The following RFTN1 variants were observed in gnomAD, a reference collection of about 807,000 sequenced individuals.
RFTN1 encodes raftlin, lipid raft linker 1.
RFTN1 carries 26 observed loss-of-function variants against 46.5 expected under a neutral mutation model. The ratio of observed to expected loss-of-function variants is 0.56; its 90% CI spans 0.41 to 0.78. The LOEUF is 0.78. Among genes scored for constraint, RFTN1 ranks in the 30% least tolerant of loss-of-function variants. The pLI, the probability that RFTN1 is intolerant of heterozygous loss-of-function variation, is 0.00. For synonymous variants in RFTN1, 261 were observed against 284.2 expected, an observed-to-expected ratio of 0.92 and a Z score of 0.82; for missense variants, 693 against 718.7, an observed-to-expected ratio of 0.96 and a Z score of 0.41.
In RFTN1 at chr3:16,317,353, C is replaced by G; in HGVS notation, c.1333-121G>C. The G allele has an allele frequency of 9.3e-7, 1 of 1,076,764 alleles. No individual in the cohort carries two copies. The highest frequency in any genetic ancestry group is 1.3e-6 in the Non-Finnish European group (1 of 747,116). The allele number at this position is 1,076,764 out of a possible 1,614,324, so 66.7% of individuals were successfully genotyped here. On this transcript the variant is annotated intron_variant, in intron 9 of 9. Coordinates refer to ENST00000334133, the MANE Select transcript of RFTN1 (RefSeq NM_015150.2). The surrounding 1 kb of genome is among the most constrained non-coding windows in gnomAD (Gnocchi z 4.3). ...AGTGAGACATACAATTCCCAGCATC[C>G]CCCAGCCAGGCAGTACAGGCACCAA... is the stretch of plus-strand genomic sequence containing the variant.
At chr3:16,369,849 C>A (rs1013195720) in intron 6 of RFTN1, among the ~76,000 whole-genome samples, 1 of 152,194 alleles carries the variant, frequency 6.6e-6, no homozygotes, top group South Asian at 2.1e-4. Flanking sequence ...TCCACTTTCT[C>A]TGTCATTTCA....
At position 16,468,799 on chromosome 3, in the gene RFTN1, T is replaced by C. The variant is rs1027265546; in HGVS notation, c.145+24926A>G. Among the ~76,000 whole-genome samples, 3 of 152,144 alleles carry C rather than the reference T, an allele frequency of 2.0e-5. No homozygotes were observed. The highest frequency in any genetic ancestry group is 7.2e-5 in the African/African-American group (3 of 41,424). On this transcript the variant is annotated intron_variant, in intron 2 of 9. Coordinates refer to ENST00000334133, the MANE Select transcript of RFTN1 (RefSeq NM_015150.2). The surrounding 1 kb of genome is among the most constrained non-coding windows in gnomAD (Gnocchi z 4.4). ...AAGAGGCCCTGGTGCCCCAGTACAA[T>C]GGAGCAATTAAATCTTTATAACTGA...
chr3:16,326,717 G>C, intron 8 of RFTN1, 56 bp downstream of exon 8: 1 of 1,334,088 alleles, frequency 7.5e-7, no homozygotes, highest in South Asian at 1.2e-5. Context: ...ATTAGGAACA[G>C]TGACTAGCAC....
At position 16,479,494 on chromosome 3, in the gene RFTN1, C is replaced by T. The variant is rs1345261988; in HGVS notation, c.145+14231G>A. 2.0e-5 allele frequency among the ~76,000 whole-genome samples: 3 copies of T among 152,212 alleles called. No individual in the cohort carries two copies. Among genetic ancestry groups the T allele is most frequent in the Admixed American group, 2.0e-4 (3 of 15,282 alleles). ...GGCAATCCAGAAAAACCTCAACATCCTTCTCCCCATTCCTTGCACACCTTT... is the reference window on the plus strand; with the variant it reads ...GGCAATCCAGAAAAACCTCAACATCTTTCTCCCCATTCCTTGCACACCTTT... On this transcript the variant is annotated intron_variant, in intron 2 of 9. Coordinates refer to ENST00000334133, the MANE Select transcript of RFTN1 (RefSeq NM_015150.2). The surrounding 1 kb of genome is among the most constrained non-coding windows in gnomAD (Gnocchi z 5.1).
rs968049803 is a variant in RFTN1 at position 16,322,026 on chromosome 3, G to A, written c.1332+1350C>T. Among the ~76,000 whole-genome samples, 1 of 152,216 alleles carries A rather than the reference G, an allele frequency of 6.6e-6. No individual in the cohort carries two copies. Among genetic ancestry groups the A allele is most frequent in the Non-Finnish European group, 1.5e-5 (1 of 68,044 alleles). Reference sequence around the variant, plus strand: ...CTCCCTCTGTAAGGCTGCAGCGGGTGTCTGTCAGCATCTGACAGGGGCCCT... The same window carrying A: ...CTCCCTCTGTAAGGCTGCAGCGGGTATCTGTCAGCATCTGACAGGGGCCCT... On this transcript the variant is annotated intron_variant, in intron 9 of 9. Coordinates refer to ENST00000334133, the MANE Select transcript of RFTN1 (RefSeq NM_015150.2). The surrounding 1 kb of genome is among the most constrained non-coding windows in gnomAD (Gnocchi z 6.2).
rs2076144132 is a variant in RFTN1 at position 16,468,701 on chromosome 3, G to A, written c.145+25024C>T. On this transcript the variant is annotated intron_variant, in intron 2 of 9. Coordinates refer to ENST00000334133, the MANE Select transcript of RFTN1 (RefSeq NM_015150.2). This position sits in a 1 kb window ranked among gnomAD's most constrained non-coding sequence, Gnocchi z 4.4. Reference sequence around the variant, plus strand: ...TAAAATCAGATCTCAGATTAAAAATGGTAAGGAAATTGCAACTAGCTGTAG... The same window carrying A: ...TAAAATCAGATCTCAGATTAAAAATAGTAAGGAAATTGCAACTAGCTGTAG... 6.6e-6 allele frequency among the ~76,000 whole-genome samples: 1 copy of A among 151,368 alleles called. No individual in the cohort carries two copies. The highest frequency in any genetic ancestry group is 2.1e-4 in the South Asian group (1 of 4,818).
intron 2 of RFTN1, among the ~76,000 whole-genome samples, chr3:16,469,919 A>G (rs531957808): frequency 6.6e-6 from 1 of 152,310 alleles, no homozygotes; most frequent in East Asian, 1.9e-4. Context: ...CAGATATGTT[A>G]TCTCATTTCA....
rs756215089 is a variant in RFTN1 at position 16,418,935 on chromosome 3, T to A, written c.333-9452A>T. ...AGACTGTGTATAAACAGAAGTGCTATGAGAATTCAATTATTTCCAGTGTCA... is the reference window on the plus strand; with the variant it reads ...AGACTGTGTATAAACAGAAGTGCTAAGAGAATTCAATTATTTCCAGTGTCA... On this transcript the variant is annotated intron_variant, in intron 3 of 9. Coordinates refer to ENST00000334133, the MANE Select transcript of RFTN1 (RefSeq NM_015150.2). The surrounding 1 kb of genome is among the most constrained non-coding windows in gnomAD (Gnocchi z 5.0). Among the ~76,000 whole-genome samples the A allele has an allele frequency of 3.3e-4, 50 of 152,260 alleles. No homozygotes were observed. Among genetic ancestry groups the A allele is most frequent in the Non-Finnish European group, 5.9e-4 (40 of 68,022 alleles).
At chr3:16,461,605 A>G (rs1411942246) in intron 2 of RFTN1, among the ~76,000 whole-genome samples, 2 of 152,214 alleles carry the variant, frequency 1.3e-5, no homozygotes, top group Non-Finnish European at 2.9e-5. Flanking sequence ...CAATTATACA[A>G]TTACACGATA....
chr3:16,374,149 TTGA>T lies in RFTN1; in HGVS notation c.826+3566_826+3568del, dbSNP rs1483891675. Among the ~76,000 whole-genome samples, 1 of 152,158 alleles carries T rather than the reference TTGA, an allele frequency of 6.6e-6. No homozygotes were observed. The highest frequency in any genetic ancestry group is 1.9e-4 in the East Asian group (1 of 5,196). Reference sequence around the variant, plus strand: ...ACCATCTCATGTGACTCTCCCAAACTTGATGAGAGGGGGTGGCCCTGGTTCTGT... The same window carrying T: ...ACCATCTCATGTGACTCTCCCAAACTTGAGAGGGGGTGGCCCTGGTTCTGT... On this transcript the variant is annotated intron_variant, in intron 5 of 9. Transcript: ENST00000334133. The surrounding 1 kb of genome is among the most constrained non-coding windows in gnomAD (Gnocchi z 5.4).
chr3:16,397,985 G>T (rs905717884), intron 4 of RFTN1, among the ~76,000 whole-genome samples: 2 of 152,008 alleles, frequency 1.3e-5, no homozygotes, highest in Admixed American at 6.6e-5. Context: ...GGTGGCTCAC[G>T]CCTATAATCC....
chr3:16,370,099 A>T lies in RFTN1; in HGVS notation c.1007T>A (p.Val336Asp), dbSNP rs1222888836. Residue 336 changes from valine (V) to aspartate (D), a missense_variant, in exon 6 of 10, where the codon GTC becomes GAC. Physicochemically the swap from Val to Asp is radical, Grantham distance 152 (BLOSUM62 -3). Transcript: ENST00000334133. The surrounding 1 kb of genome is among the most constrained non-coding windows in gnomAD (Gnocchi z 5.5). ...FRKGGMLVNA[V>D]FYLGIVNDSL... is the part of the protein sequence containing the mutation. ...ACCATTCACTATTCCAAGGTAGAAG[A>T]CTGCGTTCACCAGCATGCCTCCTTT... is the stretch of plus-strand genomic sequence containing the variant. 1.2e-6 allele frequency: 2 copies of T among 1,614,240 alleles called. No homozygotes were observed. Among genetic ancestry groups the T allele is most frequent in the Non-Finnish European group, 1.7e-6 (2 of 1,180,044 alleles).
At position 16,317,257 on chromosome 3, in the gene RFTN1, A is replaced by G. The variant is rs2068508031; in HGVS notation, c.1333-25T>C. ...ACTAGAAATCAGAAAGGATGGGGAT[A>G]AATAACAAGCCTCCGGGAACCCAGA... On this transcript the variant is annotated intron_variant, in intron 9 of 9. Transcript: ENST00000334133. The surrounding 1 kb of genome is among the most constrained non-coding windows in gnomAD (Gnocchi z 4.3). 11 of 1,607,130 alleles carry G rather than the reference A, an allele frequency of 6.8e-6. 1 individual carries two copies. In the South Asian group the frequency reaches 1.2e-4, roughly 18 times the overall value.
intron 4 of RFTN1, among the ~76,000 whole-genome samples, chr3:16,389,342 T>C (rs1297663454): frequency 6.6e-6 from 1 of 152,196 alleles, no homozygotes; most frequent in African/African-American, 2.4e-5. Flanking sequence ...CATTACAGTG[T>C]GCTAAAAAAA....
chr3:16,360,741 A>G (rs1374233034), intron 6 of RFTN1, among the ~76,000 whole-genome samples: 2 of 152,230 alleles, frequency 1.3e-5, no homozygotes, highest in African/African-American at 4.8e-5. Flanking sequence ...ATGTTCAACA[A>G]TCCAAATATT....
At chr3:16,331,203 T>G (rs1212494283) in intron 7 of RFTN1, among the ~76,000 whole-genome samples, 1 of 152,204 alleles carries the variant, frequency 6.6e-6, no homozygotes, top group Non-Finnish European at 1.5e-5. Flanking sequence ...CTGCAAAAAC[T>G]ACTTCTGTGT....
rs1314274748 is a variant in RFTN1, at chr3:16,387,231, G to A, written c.442-9129C>T. On this transcript the variant is annotated intron_variant, in intron 4 of 9. Transcript: ENST00000334133. The surrounding 1 kb of genome is among the most constrained non-coding windows in gnomAD (Gnocchi z 5.2). Reference sequence around the variant, plus strand: ...AGTCCACCCAGGGCCACAAGGAGGAGGGCTCAAGGTCTCCCGCCAAGGCTG... The same window carrying A: ...AGTCCACCCAGGGCCACAAGGAGGAAGGCTCAAGGTCTCCCGCCAAGGCTG... Among the ~76,000 whole-genome samples the A allele has an allele frequency of 6.6e-6, 1 of 151,718 alleles. No homozygotes were observed. The highest frequency in any genetic ancestry group is 2.1e-4 in the South Asian group (1 of 4,828).
chr3:16,363,167 A>T (rs2072935865), intron 6 of RFTN1, among the ~76,000 whole-genome samples: 1 of 152,354 alleles, frequency 6.6e-6, no homozygotes, highest in East Asian at 1.9e-4. Flanking sequence ...TGAACCAGAG[A>T]GCAGACAGCT....
chr3:16,335,402 T>G lies in RFTN1; in HGVS notation c.1147-8526A>C, dbSNP rs2070748642. On this transcript the variant is annotated intron_variant, in intron 7 of 9. Transcript: ENST00000334133. This position sits in a 1 kb window ranked among gnomAD's most constrained non-coding sequence, Gnocchi z 4.7. ...TAAGAAGGGAGTTTGTACCACATTT[T>G]CTTTATCCAGTCCATAATGCTATGC... is the stretch of plus-strand genomic sequence containing the variant. 6.6e-6 allele frequency among the ~76,000 whole-genome samples: 1 copy of G among 152,232 alleles called. No homozygotes were observed. The highest frequency in any genetic ancestry group is 1.5e-5 in the Non-Finnish European group (1 of 68,030).
Sources: gnomAD v4.1 joint callset for allele counts (sites outside exome capture counted in the v4.1 genomes callset) on GRCh38, gnomAD v4.1.1 for gene constraint, Gnocchi (gnomAD v3.1) non-coding constraint, MANE v1.5 for transcripts, NCBI Gene and HGNC (gene_info 2026-07-23, HGNC 2026-07-21) for gene names.